The following ITGAM variants were observed in gnomAD, a reference collection of about 807,000 sequenced individuals.
The protein encoded by ITGAM is integrin alpha-M.
ITGAM carries 79 observed loss-of-function variants against 137.5 expected under a neutral mutation model. The ratio of observed to expected loss-of-function variants is 0.57; its 90% confidence interval spans 0.48 to 0.69. The LOEUF is 0.69. Among genes scored for constraint, ITGAM ranks in the 30% least tolerant of loss-of-function variants. The pLI is 0.00. For synonymous variants in ITGAM, 583 were observed against 592.3 expected (o/e 0.98, Z 0.23); for missense variants, 1,343 against 1,483.5 (o/e 0.91, Z 1.56).
At chr16:31,306,283 C>T (rs2080263753) in intron 14 of ITGAM, among the ~76,000 whole-genome samples, 1 of 152,098 alleles carries the variant, frequency 6.6e-6, no homozygotes, top group Non-Finnish European at 1.5e-5. Context: ...GGAATTTTAG[C>T]TCCTCCTCCA....
chr16:31,264,583 G>T (rs1026841201), intron 2 of ITGAM, among the ~76,000 whole-genome samples: 6 of 152,132 alleles, frequency 3.9e-5, no homozygotes, highest in African/African-American at 1.2e-4. Context: ...GGCAGAGGTT[G>T]CAGTGAGCTA....
At position 31,297,690 on chromosome 16, in the gene ITGAM, G is replaced by A. The variant is rs202145554; in HGVS notation, c.1497+36G>A. The A allele has an allele frequency of 7.8e-4, 1,246 of 1,605,132 alleles. 14 individuals are homozygous for A. The highest frequency in any genetic ancestry group is 1.5e-3 in the Middle Eastern group (9 of 5,964). ...ATGGGACCTGGGCTGGGTGGGGCCC[G>A]GTGTGGGTGGAGGGGTCGCCTGGGT... On this transcript the variant is annotated intron_variant, in intron 13 of 29. Coordinates refer to ENST00000544665, the MANE Select transcript of ITGAM (RefSeq NM_000632.4).
Position 31,275,588 on chromosome 16 carries a change from C to T in ITGAM, c.898C>T (p.Leu300Phe). 1.9e-6 allele frequency: 3 copies of T among 1,613,966 alleles called. No homozygotes were observed. In the South Asian group the frequency reaches 3.3e-5, roughly 18 times the overall value. Residue 300 changes from leucine to phenylalanine, a missense_variant, in exon 9 of 30, where the codon CTT becomes TTT. By Grantham distance (22) the Leu-to-Phe change is conservative (BLOSUM62 0). Transcript: ENST00000544665. ...AFRSEKSRQE[L>F]NTIASKPPRD... ...CCGCAGTGAGAAATCCCGCCAAGAG[C>T]TTAATACCATCGCATCCAAGCCGCC...
Position 31,332,721 on chromosome 16 carries a change from A to G in ITGAM, c.*1014A>G, listed in dbSNP as rs555678505. On this transcript the variant is annotated 3_prime_UTR_variant, in exon 30 of 30. Coordinates refer to ENST00000544665, the MANE Select transcript of ITGAM (RefSeq NM_000632.4). ...CTCAGACATCGGTTCATATTAAGAC[A>G]TAAATTACTTTTTCATTCTTTTATA... 6.6e-6 allele frequency: 1 copy of G among 152,350 alleles called. No individual in the cohort carries two copies. Among genetic ancestry groups the G allele is most frequent in the African/African-American group, 2.4e-5 (1 of 41,574 alleles). The allele number at this position is 152,350 out of a possible 1,614,324, so 9.4% of individuals were successfully genotyped here.
intron 14 of ITGAM, among the ~76,000 whole-genome samples, chr16:31,305,356 G>C (rs928928935): frequency 1.3e-5 from 2 of 152,092 alleles, no homozygotes; most frequent in Admixed American, 1.3e-4. Context: ...GAATCTTTTG[G>C]ATGAGCCTTT....
At chr16:31,270,887 A>G (rs2079831868) in intron 5 of ITGAM, 67 bp from the exon 6 acceptor site, 4 of 1,168,292 alleles carry the variant, frequency 3.4e-6, no homozygotes, top group Non-Finnish European at 4.6e-6. Context: ...CAGAGGGCTG[A>G]CATGCAAAAA....
At chr16:31,326,799 T>G in intron 21 of ITGAM, 57 bp from the exon 22 acceptor site, 6 of 1,155,608 alleles carry the variant, frequency 5.2e-6, no homozygotes, top group Non-Finnish European at 7.8e-6. Flanking sequence ...ATGACGGGCA[T>G]TTGGGTTATT....
At chr16:31,303,302 T>C (rs2080234304) in intron 14 of ITGAM, among the ~76,000 whole-genome samples, 1 of 152,106 alleles carries the variant, frequency 6.6e-6, no homozygotes, top group Non-Finnish European at 1.5e-5. Context: ...GTTAGGATTA[T>C]AGATGTGAGC....
At chr16:31,292,037 AT>A (rs918502605) in intron 12 of ITGAM, among the ~76,000 whole-genome samples, 16 of 152,228 alleles carry the variant, frequency 1.1e-4, no homozygotes, top group African/African-American at 3.4e-4. Flanking sequence ...TTGTATAAAA[AT>A]ATCACATGTT....
intron 14 of ITGAM, among the ~76,000 whole-genome samples, chr16:31,304,045 T>A (rs923190679): frequency 6.6e-6 from 1 of 152,164 alleles, no homozygotes; most frequent in Admixed American, 6.6e-5. Flanking sequence ...TCCATACTGT[T>A]TTCCATAGAG....
Position 31,259,975 on chromosome 16 carries a change from C to T in ITGAM, c.-90C>T. On this transcript the variant is annotated 5_prime_UTR_variant, in exon 1 of 30. Coordinates refer to ENST00000544665, the MANE Select transcript of ITGAM (RefSeq NM_000632.4). ...CTGCCTCCTACTTCTCCTTTTCTGC[C>T]CTTCTTTGCTTTGGTGGCTTCCTTG... 1.8e-6 allele frequency: 2 copies of T among 1,113,792 alleles called. No individual in the cohort carries two copies. The highest frequency in any genetic ancestry group is 2.7e-6 in the Non-Finnish European group (2 of 746,618). The allele number at this position is 1,113,792 out of a possible 1,614,324, so 69.0% of individuals were successfully genotyped here.
chr16:31,287,571 C>A (rs955110361), intron 12 of ITGAM, among the ~76,000 whole-genome samples: 1 of 151,942 alleles, frequency 6.6e-6, no homozygotes, highest in Non-Finnish European at 1.5e-5. Flanking sequence ...TTGTAGAGAC[C>A]TTTTACCTCC....
chr16:31,302,450 TCTTC>T (rs146099572), intron 14 of ITGAM, among the ~76,000 whole-genome samples: 3 of 119,414 alleles, frequency 2.5e-5, no homozygotes, highest in East Asian at 2.0e-4. Flanking sequence ...TTTCTTTCTT[TCTTC>T]CTTCCTTTCT....
intron 14 of ITGAM, among the ~76,000 whole-genome samples, chr16:31,308,232 C>G (rs1250255109): frequency 6.6e-6 from 1 of 152,116 alleles, no homozygotes; most frequent in Non-Finnish European, 1.5e-5. Flanking sequence ...GGTACCATCT[C>G]CTCCTTGTAC....
rs375164409 is a variant in ITGAM, at chr16:31,277,295, C to T, written c.1213+246C>T. ...ACAACCTCTGCCTCCTGCGCTCAAG[C>T]GATTCTCCTACCTCAGTCTCCTGAG... On this transcript the variant is annotated intron_variant, in intron 11 of 29. Transcript: ENST00000544665. Among the ~76,000 whole-genome samples the T allele has an allele frequency of 1.5e-4, 23 of 151,826 alleles. No individual in the cohort carries two copies. The highest frequency in any genetic ancestry group is 4.4e-4 in the African/African-American group (18 of 41,378).
At position 31,324,396 on chromosome 16, in the gene ITGAM, C is replaced by T. The variant is rs2080482794; in HGVS notation, c.2003-3C>T. 1.3e-6 allele frequency: 2 copies of T among 1,551,402 alleles called. No homozygotes were observed. The highest frequency in any genetic ancestry group is 1.7e-6 in the Non-Finnish European group (2 of 1,146,818). ...TCACTGCTGTGCCACCCTGTCCCTT[C>T]AGGACAGATCCAGAGTGTTGTGACT... On this transcript the variant is annotated splice_polypyrimidine_tract_variant and splice_region_variant and intron_variant, in intron 16 of 29. Coordinates refer to ENST00000544665, the MANE Select transcript of ITGAM (RefSeq NM_000632.4). The surrounding 1 kb of genome is among the most constrained non-coding windows in gnomAD (Gnocchi z 4.5).
Position 31,321,346 on chromosome 16 carries a change from G to A in ITGAM, c.1813G>A (p.Ala605Thr), listed in dbSNP as rs762867587. ...MDGLVDLTVG[A>T]QGHVLLLRSQ... ...TGGACTGGTAGACCTGACTGTAGGAGCCCAGGGGCACGTGCTGCTGCTCAG... is the reference window on the plus strand; with the variant it reads ...TGGACTGGTAGACCTGACTGTAGGAACCCAGGGGCACGTGCTGCTGCTCAG... Residue 605 changes from alanine to threonine, a missense_variant, in exon 15 of 30, where the codon GCC (alanine) becomes ACC (threonine). Transcript: ENST00000544665. The A allele has an allele frequency of 6.8e-6, 11 of 1,613,916 alleles. No homozygotes were observed. The highest frequency in any genetic ancestry group is 1.6e-4 in the Middle Eastern group (1 of 6,084).
rs770982735 is a variant in ITGAM at position 31,270,130 on chromosome 16, C to CTTTCCTTTCCTTTCCTTTCCTTTCCTT, written c.428-823_428-822insTTCCTTTCCTTTCCTTTCCTTTCCTTT. Reference sequence around the variant, plus strand: ...CCTTCCTTCCTTCCTTCCTTCCTTCCTCCTTTGCTTTCCTTTCCTTTCCTT... The same window carrying CTTTCCTTTCCTTTCCTTTCCTTTCCTT: ...CCTTCCTTCCTTCCTTCCTTCCTTCCTTTCCTTTCCTTTCCTTTCCTTTCCTTTCCTTTGCTTTCCTTTCCTTTCCTT... On this transcript the variant is annotated intron_variant, in intron 5 of 29. Transcript: ENST00000544665. Among the ~76,000 whole-genome samples, 322 of 90,250 alleles carry CTTTCCTTTCCTTTCCTTTCCTTTCCTT rather than the reference C, an allele frequency of 3.6e-3. 6 individuals are homozygous for CTTTCCTTTCCTTTCCTTTCCTTTCCTT. The highest frequency in any genetic ancestry group is 5.6e-3 in the African/African-American group (131 of 23,362). The allele number at this position is 90,250 out of a possible 152,430, so 59.2% of individuals were successfully genotyped here.
chr16:31,273,131 T>C (rs1162309392), intron 7 of ITGAM, among the ~76,000 whole-genome samples: 1 of 151,926 alleles, frequency 6.6e-6, no homozygotes, highest in East Asian at 1.9e-4. Context: ...ACTCTATCTC[T>C]AAAAAGATAA....
Sources: allele counts gnomAD v4.1 joint callset (sites outside exome capture counted in the v4.1 genomes callset), GRCh38; gene constraint gnomAD v4.1.1; non-coding constraint Gnocchi (gnomAD v3.1); transcripts MANE v1.5; gene names NCBI Gene and HGNC (gene_info 2026-07-23, HGNC 2026-07-21).